Variants in CFAP276 observed in about 807,000 individuals in gnomAD.
CFAP276 encodes cilia- and flagella-associated protein 276.
At chr1:109,110,625 AT>A in the CFAP276 span, among the ~76,000 whole-genome samples, 2 of 151,976 alleles carry the variant, frequency 1.3e-5, no homozygotes, top group Non-Finnish European at 2.9e-5. Context: ...CAAGGGTCTC[AT>A]TTTTACTTTT....
the CFAP276 span, among the ~76,000 whole-genome samples, chr1:109,113,416 A>AAGAGAGAGAGAGAGAGAGAGAG: frequency 5.9e-5 from 4 of 68,040 alleles, no homozygotes; most frequent in African/African-American, 1.7e-4. Flanking sequence ...GAGAGAGAGA[A>AAGAGAGAGAGAGAGAGAGAGAG]AGAGAGAGAG....
At chr1:109,108,155 TTTTTTGA>T in the CFAP276 span, 1 of 786,270 alleles carries the variant, frequency 1.3e-6, no homozygotes, top group Non-Finnish European at 2.1e-6. Flanking sequence ...TTTTGTTTTA[TTTTTTGA>T]GACAGAATCT....
the CFAP276 span, among the ~76,000 whole-genome samples, chr1:109,111,777 A>T: frequency 6.6e-6 from 1 of 152,110 alleles, no homozygotes; most frequent in South Asian, 2.1e-4. Context: ...TACCTAACTC[A>T]TATTTGGACA....
the CFAP276 span, chr1:109,106,223 G>C: frequency 1.2e-6 from 1 of 847,340 alleles, no homozygotes; most frequent in African/African-American, 1.7e-5. Flanking sequence ...GGGAAAACCG[G>C]CATATGGAGG....
the CFAP276 span, chr1:109,106,593 G>C: frequency 2.5e-6 from 4 of 1,614,074 alleles, no homozygotes; most frequent in Non-Finnish European, 2.5e-6. Flanking sequence ...AGTGTCTGAT[G>C]TTAGCCAGGA....
the CFAP276 span, chr1:109,112,544 C>G: frequency 6.5e-7 from 1 of 1,545,288 alleles, no homozygotes; most frequent in Non-Finnish European, 8.7e-7. Context: ...ATCACACAGA[C>G]AGAAAGAAGA....
the CFAP276 span, chr1:109,112,779 G>T: frequency 6.7e-7 from 1 of 1,494,454 alleles, no homozygotes; most frequent in Non-Finnish European, 8.9e-7. Context: ...TTGGAGCGCT[G>T]GTTTCGGTTG....
At chr1:109,111,008 A>G in the CFAP276 span, among the ~76,000 whole-genome samples, 1 of 152,094 alleles carries the variant, frequency 6.6e-6, no homozygotes, top group African/African-American at 2.4e-5. Flanking sequence ...TCTGCACCTG[A>G]TCACCACCCC....
At chr1:109,106,996 C>T in the CFAP276 span, 1 of 1,601,662 alleles carries the variant, frequency 6.2e-7, no homozygotes, top group South Asian at 1.1e-5. Flanking sequence ...GGCTCTGCCT[C>T]TACCACTTAC....
the CFAP276 span, chr1:109,106,414 A>G: frequency 7.7e-6 from 10 of 1,305,762 alleles, no homozygotes; most frequent in East Asian, 2.3e-4. Flanking sequence ...ATTGCTTTCC[A>G]AGACCCACAG....
the CFAP276 span, among the ~76,000 whole-genome samples, chr1:109,111,472 C>CA: frequency 0.16 from 22,969 of 141,394 alleles, 2,005 homozygotes; most frequent in Middle Eastern, 0.27. Context: ...GACCCTGTCT[C>CA]AAAAAAAAAA....
chr1:109,107,963 T>C, the CFAP276 span: 5 of 1,603,928 alleles, frequency 3.1e-6, no homozygotes, highest in Non-Finnish European at 4.3e-6. Flanking sequence ...TGGAAGTAAT[T>C]GTGGGGGTTG....
chr1:109,108,020 G>GTTATTTTTTTTTTT, the CFAP276 span: 1 of 1,605,178 alleles, frequency 6.2e-7, no homozygotes, highest in Non-Finnish European at 8.5e-7. Context: ...GGTGTGTTGG[G>GTTATTTTTTTTTTT]TTCTTATATG....
At chr1:109,113,320 A>C in the CFAP276 span, among the ~76,000 whole-genome samples, 1 of 150,346 alleles carries the variant, frequency 6.7e-6, no homozygotes, top group Non-Finnish European at 1.5e-5. Context: ...TTGAACCCGG[A>C]AGGCGGAGGT....
chr1:109,106,752 A>G, the CFAP276 span: 4 of 1,419,360 alleles, frequency 2.8e-6, no homozygotes, highest in Non-Finnish European at 3.8e-6. Context: ...TCAAGAATAA[A>G]GCAGCCAAAG....
chr1:109,107,862 G>GGA, the CFAP276 span: 2 of 1,207,962 alleles, frequency 1.7e-6, no homozygotes, highest in East Asian at 5.0e-5. Flanking sequence ...TGGGTGACAG[G>GGA]AAAAAAAAAA....
the CFAP276 span, chr1:109,108,041 C>T: frequency 1.4e-6 from 2 of 1,448,316 alleles, no homozygotes; most frequent in South Asian, 2.2e-5. Flanking sequence ...GCAATTTCTG[C>T]AAAAGAGAAA....
At chr1:109,107,732 A>G in the CFAP276 span, among the ~76,000 whole-genome samples, 1 of 151,968 alleles carries the variant, frequency 6.6e-6, no homozygotes, top group Non-Finnish European at 1.5e-5. Context: ...CTTCAAAAAA[A>G]AAAATTAGCT....
chr1:109,111,810 A>C, the CFAP276 span, among the ~76,000 whole-genome samples: 3 of 152,148 alleles, frequency 2.0e-5, no homozygotes, highest in South Asian at 6.2e-4. Flanking sequence ...TGCTCTGTGA[A>C]GCTTTCCTTT....
Sources: allele counts gnomAD v4.1 joint callset (sites outside exome capture counted in the v4.1 genomes callset), GRCh38; gene constraint gnomAD v4.1.1; transcripts MANE v1.5; gene names NCBI Gene and HGNC (gene_info 2026-07-23, HGNC 2026-07-21).